Variants in ZNF207 observed in about 807,000 individuals in gnomAD.
The protein encoded by ZNF207 is BUB3-interacting and GLEBS motif-containing protein ZNF207.
ZNF207 carries 24 observed loss-of-function variants against 60.2 expected under a neutral mutation model. The ratio of observed to expected loss-of-function variants is 0.40; its 90% CI spans 0.29 to 0.56. The LOEUF (loss-of-function observed/expected upper bound fraction) is 0.56. Ranked by LOEUF, ZNF207 falls within the 20% of genes least tolerant of loss-of-function variation. The pLI is 0.49. For missense variants in ZNF207, 452 were observed against 636.6 expected, an observed-to-expected ratio of 0.71 and a Z score of 3.12; for synonymous variants, 236 against 194.7, an observed-to-expected ratio of 1.21 and a Z score of -1.77.
At position 32,370,434 on chromosome 17, in the gene ZNF207, CAT is replaced by C. The variant is rs576776748; in HGVS notation, c.*677_*678del. ...CAGTAGATGTCCACATAATAAAATT[CAT>C]AGTTACCAATGCAGTTTTGATATAT... On this transcript the variant is annotated 3_prime_UTR_variant, in exon 12 of 12. Transcript: ENST00000394670. 15 of 152,682 alleles carry C rather than the reference CAT, an allele frequency of 9.8e-5. No individual in the cohort carries two copies. The East Asian group carries it at 2.7e-3, about 27-fold the overall frequency. The allele number at this position is 152,682 out of a possible 1,614,324, so 9.5% of individuals were successfully genotyped here. A position where few individuals can be genotyped will look rare whatever the true frequency, so the allele number is the denominator to read the frequency against.
chr17:32,350,436 T>C, intron 1 of ZNF207, 110 bp downstream of exon 1: 1 of 1,425,536 alleles, frequency 7.0e-7, no homozygotes, highest in Non-Finnish European at 9.9e-7. Flanking sequence ...TATTTAGGCG[T>C]CTGCGTGGGT....
chr17:32,362,131 A>AGTGTGTGT (rs57093226), intron 6 of ZNF207, among the ~76,000 whole-genome samples: 5 of 145,928 alleles, frequency 3.4e-5, no homozygotes, highest in African/African-American at 1.3e-4. Flanking sequence ...AAAAAAAAAA[A>AGTGTGTGT]GTGTGTGTGT....
intron 9 of ZNF207, 151 bp downstream of exon 9, chr17:32,366,908 A>G: frequency 1.5e-6 from 1 of 671,882 alleles, no homozygotes; most frequent in Non-Finnish European, 2.3e-6. Context: ...TGGTATTTAA[A>G]AATTTGAATT....
chr17:32,354,973 G>C (rs113689116), intron 2 of ZNF207, among the ~76,000 whole-genome samples: 1 of 152,116 alleles, frequency 6.6e-6, no homozygotes, highest in African/African-American at 2.4e-5. Flanking sequence ...TGCAGAGTAC[G>C]GTGAGACCAC....
intron 3 of ZNF207, 47 bp downstream of exon 3, chr17:32,358,688 T>A: frequency 8.0e-7 from 1 of 1,250,504 alleles, no homozygotes; most frequent in Non-Finnish European, 1.0e-6. Flanking sequence ...TTTTTTTAAT[T>A]TTTTTTTTTT....
chr17:32,357,351 A>ATTATTATTTTT (rs1363194053), intron 2 of ZNF207, among the ~76,000 whole-genome samples: 1 of 74,028 alleles, frequency 1.4e-5, no homozygotes, highest in African/African-American at 5.6e-5. Context: ...TATTATTATT[A>ATTATTATTTTT]TTTTTTTTTT....
At chr17:32,361,208 T>G in intron 5 of ZNF207, 1 of 586,950 alleles carries the variant, frequency 1.7e-6, no homozygotes, top group South Asian at 2.4e-5. Context: ...TTGCATTTAC[T>G]GTGATTAAAG....
At position 32,369,048 on chromosome 17, in the gene ZNF207, C is replaced by G. The variant is rs1905339852; in HGVS notation, c.1165-247C>G. On this transcript the variant is annotated intron_variant, in intron 10 of 11. Coordinates refer to ENST00000394670, the MANE Select transcript of ZNF207 (RefSeq NM_001098507.2). ...ATAACAATACTTCATTAGATAGTTTCTTGTTGAAGCAATTTGTAATTCCCG... is the reference window on the plus strand; with the variant it reads ...ATAACAATACTTCATTAGATAGTTTGTTGTTGAAGCAATTTGTAATTCCCG... The G allele has an allele frequency of 9.0e-6, 4 of 445,222 alleles. No homozygotes were observed. In the South Asian group the frequency reaches 1.5e-4, roughly 17 times the overall value. The allele number at this position is 445,222 out of a possible 1,614,324, so 27.6% of individuals were successfully genotyped here.
At position 32,372,623 on chromosome 17, in the gene ZNF207, G is replaced by C. The variant is rs1418632410; in HGVS notation, c.*2864G>C. 6.6e-6 allele frequency: 1 copy of C among 152,176 alleles called. No homozygotes were observed. The highest frequency in any genetic ancestry group is 1.9e-4 in the East Asian group (1 of 5,196). The allele number at this position is 152,176 out of a possible 1,614,324, so 9.4% of individuals were successfully genotyped here. On this transcript the variant is annotated 3_prime_UTR_variant, in exon 12 of 12. Transcript: ENST00000394670. ...TGAGTTCCTGAGTTTGTAGCTATAG[G>C]CTCAGAGGTGGTGTACCCATTTAAT...
Position 32,369,456 on chromosome 17 carries a change from T to C in ZNF207, c.1324+2T>C. ...TGAGACCCCCAATGCCACCTCATGG[T>C]ATTCCTCTTTTTATGTTTTTCATAT... is the stretch of plus-strand genomic sequence containing the variant. On this transcript the variant is annotated splice_donor_variant, in intron 11 of 11. Transcript: ENST00000394670. LOFTEE classifies it high-confidence loss of function. The C allele has an allele frequency of 6.2e-7, 1 of 1,612,818 alleles. No homozygotes were observed. The highest frequency in any genetic ancestry group is 8.5e-7 in the Non-Finnish European group (1 of 1,179,418).
rs1555606174 is a variant in ZNF207, at chr17:32,360,181, C to CT, written c.308-417_308-416insT. Among the ~76,000 whole-genome samples the CT allele has an allele frequency of 1.0e-4, 11 of 109,898 alleles. 1 individual carries two copies. Among genetic ancestry groups the CT allele is most frequent in the Non-Finnish European group, 1.6e-4 (8 of 49,250 alleles). The allele number at this position is 109,898 out of a possible 152,430, so 72.1% of individuals were successfully genotyped here. A position where few individuals can be genotyped will look rare whatever the true frequency, so the allele number is the denominator to read the frequency against. ...AAGTTCAAGACCTCACCTTTACCCC[C>CT]CCCCCAAAAAAAAAAAAAAAAAGCC... On this transcript the variant is annotated intron_variant, in intron 3 of 11. Coordinates refer to ENST00000394670, the MANE Select transcript of ZNF207 (RefSeq NM_001098507.2).
chr17:32,362,130 AAGT>A (rs1299271832), intron 6 of ZNF207, among the ~76,000 whole-genome samples: 31 of 115,440 alleles, frequency 2.7e-4, no homozygotes, highest in Admixed American at 7.5e-4. Flanking sequence ...TAAAAAAAAA[AAGT>A]GTGTGTGTGT....
Position 32,358,225 on chromosome 17 carries a change from A to G in ZNF207, c.169-278A>G, listed in dbSNP as rs141451825. On this transcript the variant is annotated intron_variant, in intron 2 of 11. Transcript: ENST00000394670. ...GTAAACTTGAAAGAATGTTTATTGAATGCTTACTGTATGTTAGACATCTCG... is the reference window on the plus strand; with the variant it reads ...GTAAACTTGAAAGAATGTTTATTGAGTGCTTACTGTATGTTAGACATCTCG... Among the ~76,000 whole-genome samples, 299 of 152,330 alleles carry G rather than the reference A, an allele frequency of 2.0e-3. 2 individuals are homozygous for G. The highest frequency in any genetic ancestry group is 6.9e-3 in the African/African-American group (286 of 41,572).
rs536021667 is a variant in ZNF207 at position 32,380,053 on chromosome 17, A to G, written c.*10294A>G. On this transcript the variant is annotated 3_prime_UTR_variant, in exon 12 of 12. Transcript: ENST00000394670. Reference sequence around the variant, plus strand: ...TCTAAAATCTGAAAATCAATACCTGAGTATGTGATGTGGCAATGCATTCTT... The same window carrying G: ...TCTAAAATCTGAAAATCAATACCTGGGTATGTGATGTGGCAATGCATTCTT... 8 of 152,692 alleles carry G rather than the reference A, an allele frequency of 5.2e-5. No individual in the cohort carries two copies. Among genetic ancestry groups the G allele is most frequent in the African/African-American group, 1.9e-4 (8 of 41,580 alleles). 9.5% of individuals were successfully genotyped at this position (152,692 alleles called of 1,614,324 possible). A position where few individuals can be genotyped will look rare whatever the true frequency, so the allele number is the denominator to read the frequency against.
intron 7 of ZNF207, among the ~76,000 whole-genome samples, chr17:32,364,688 A>G (rs548728418): frequency 1.3e-5 from 2 of 152,302 alleles, no homozygotes; most frequent in East Asian, 1.9e-4. Context: ...GTGTGTTTGC[A>G]ATCCATAGCA....
chr17:32,357,344 TATTATTA>T lies in ZNF207; in HGVS notation c.169-1158_169-1152del, dbSNP rs1456343486. Among the ~76,000 whole-genome samples, 523 of 78,790 alleles carry T rather than the reference TATTATTA, an allele frequency of 6.6e-3. 22 individuals are homozygous for T. The highest frequency in any genetic ancestry group is 0.025 in the African/African-American group (392 of 15,670). 51.7% of individuals were successfully genotyped at this position (78,790 alleles called of 152,430 possible). On this transcript the variant is annotated intron_variant, in intron 2 of 11. Coordinates refer to ENST00000394670, the MANE Select transcript of ZNF207 (RefSeq NM_001098507.2). Reference sequence around the variant, plus strand: ...TTATTATTATTATTATTATTATTATTATTATTATTTTTTTTTTTTTTTGAGACAGAAT... The same window carrying T: ...TTATTATTATTATTATTATTATTATTTTTTTTTTTTTTTTTGAGACAGAAT...
At chr17:32,365,558 T>A in intron 8 of ZNF207, 71 bp downstream of exon 8, 1 of 1,408,964 alleles carries the variant, frequency 7.1e-7, no homozygotes, top group Non-Finnish European at 9.3e-7. Context: ...CAGAAGTCTT[T>A]GAAATTTTCA....
chr17:32,371,368 C>T lies in ZNF207; in HGVS notation c.*1609C>T, dbSNP rs1051681376. 2 of 152,154 alleles carry T rather than the reference C, an allele frequency of 1.3e-5. No homozygotes were observed. The highest frequency in any genetic ancestry group is 1.5e-5 in the Non-Finnish European group (1 of 68,028). 9.4% of individuals were successfully genotyped at this position (152,154 alleles called of 1,614,324 possible). ...AAAATATATTGAAAAGTGATTTAGC[C>T]ATCACAAAAGAGTTCGTATTTATGT... is the stretch of plus-strand genomic sequence containing the variant. On this transcript the variant is annotated 3_prime_UTR_variant, in exon 12 of 12. Coordinates refer to ENST00000394670, the MANE Select transcript of ZNF207 (RefSeq NM_001098507.2).
chr17:32,366,774 A>C lies in ZNF207; in HGVS notation c.921+17A>C. On this transcript the variant is annotated intron_variant, in intron 9 of 11. Transcript: ENST00000394670. ...ACAGCACAAGTACGCAGGAAGTTGCAGTTTAAAATTGTTAAAATGGCTTTA... is the reference window on the plus strand; with the variant it reads ...ACAGCACAAGTACGCAGGAAGTTGCCGTTTAAAATTGTTAAAATGGCTTTA... The C allele has an allele frequency of 6.3e-7, 1 of 1,583,266 alleles. No individual in the cohort carries two copies.
Sources: gnomAD v4.1 joint callset for allele counts (sites outside exome capture counted in the v4.1 genomes callset) on GRCh38, gnomAD v4.1.1 for gene constraint, MANE v1.5 for transcripts, NCBI Gene and HGNC (gene_info 2026-07-23, HGNC 2026-07-21) for gene names.